TDRD10: variants seen among roughly 807,000 people sequenced by gnomAD.
TDRD10 encodes tudor domain containing 10.
A neutral mutation model predicts 48.0 loss-of-function variants in TDRD10; 40 were observed. That is an observed-to-expected ratio of 0.83 (90% CI 0.65 to 1.09). The LOEUF is 1.09. TDRD10 is among the 50% of genes least tolerant of loss of function. The pLI, the probability that TDRD10 is intolerant of heterozygous loss-of-function variation, is 0.00. For missense variants in TDRD10, 378 were observed against 434.7 expected (o/e 0.87, Z 1.16); for synonymous variants, 162 against 170.4 (o/e 0.95, Z 0.38).
At chr1:154,529,077 TATA>T (rs1694465903) in intron 6 of TDRD10, among the ~76,000 whole-genome samples, 1 of 152,162 alleles carries the variant, frequency 6.6e-6, no homozygotes, top group Admixed American at 6.5e-5. Context: ...TGGAAAGAAT[TATA>T]ATGTTGTTTT....
chr1:154,531,355 G>A (rs955683945), intron 6 of TDRD10, among the ~76,000 whole-genome samples: 10 of 152,118 alleles, frequency 6.6e-5, no homozygotes, highest in South Asian at 2.1e-4. Context: ...GAATGAAGCC[G>A]CGGACCCTTG....
intron 6 of TDRD10, among the ~76,000 whole-genome samples, chr1:154,533,893 A>ATT (rs201435535): frequency 1.2e-4 from 12 of 103,610 alleles, no homozygotes; most frequent in African/African-American, 3.8e-4. Context: ...ATATATATAT[A>ATT]TTTTTTTTTA....
chr1:154,543,513 G>A (rs1695367080), intron 8 of TDRD10, among the ~76,000 whole-genome samples: 1 of 152,178 alleles, frequency 6.6e-6, no homozygotes, highest in South Asian at 2.1e-4. Flanking sequence ...TGAGTTAGTG[G>A]AGCAGCAGGG....
At chr1:154,538,138 TAA>T (rs1316773704) in intron 6 of TDRD10, among the ~76,000 whole-genome samples, 1 of 152,234 alleles carries the variant, frequency 6.6e-6, no homozygotes, top group Non-Finnish European at 1.5e-5. Context: ...ATTTATCACT[TAA>T]ATCATTAGGG....
intron 8 of TDRD10, 60 bp downstream of exon 8, chr1:154,542,881 C>A (rs988748658): frequency 3.2e-5 from 46 of 1,424,506 alleles, no homozygotes; most frequent in Non-Finnish European, 3.9e-5. Flanking sequence ...CCTCTGTCCC[C>A]CAGAGAGTGG....
At chr1:154,510,240 TAAAAA>T (rs34841605) in intron 4 of TDRD10, among the ~76,000 whole-genome samples, 1 of 137,710 alleles carries the variant, frequency 7.3e-6, no homozygotes, top group Non-Finnish European at 1.5e-5. Context: ...CCACATCTCT[TAAAAA>T]AAAAAAAAAA....
intron 6 of TDRD10, among the ~76,000 whole-genome samples, chr1:154,540,622 A>G (rs925922904): frequency 6.6e-6 from 1 of 151,972 alleles, no homozygotes; most frequent in Admixed American, 6.6e-5. Context: ...TGTTGCAGAC[A>G]TGCTAAGTCT....
At chr1:154,544,585 C>T in intron 10 of TDRD10, 68 bp downstream of exon 10, 1 of 1,556,796 alleles carries the variant, frequency 6.4e-7, no homozygotes, top group South Asian at 1.2e-5. Context: ...TTCTTGCATT[C>T]TCTTCCTTTG....
intron 4 of TDRD10, among the ~76,000 whole-genome samples, chr1:154,514,260 G>A (rs187761314): frequency 2.0e-5 from 3 of 152,298 alleles, no homozygotes; most frequent in East Asian, 1.9e-4. Context: ...TCTTGATCCC[G>A]TTTTGGACAA....
At chr1:154,513,259 C>T (rs1693580024) in intron 4 of TDRD10, among the ~76,000 whole-genome samples, 1 of 152,058 alleles carries the variant, frequency 6.6e-6, no homozygotes, top group Non-Finnish European at 1.5e-5. Flanking sequence ...ACACTGGACA[C>T]AACTGAAAAT....
At chr1:154,519,870 G>C (rs543667540) in intron 4 of TDRD10, among the ~76,000 whole-genome samples, 1 of 152,082 alleles carries the variant, frequency 6.6e-6, no homozygotes, top group South Asian at 2.1e-4. Context: ...GTGGGGAAAT[G>C]TTCCGGGAAG....
At chr1:154,532,555 C>T (rs112199360) in intron 6 of TDRD10, among the ~76,000 whole-genome samples, 9 of 152,330 alleles carry the variant, frequency 5.9e-5, no homozygotes, top group South Asian at 2.1e-4. Context: ...GCTCCTCAAG[C>T]GCGGCCAGAA....
intron 6 of TDRD10, among the ~76,000 whole-genome samples, chr1:154,531,457 TC>T (rs1694614310): frequency 6.6e-6 from 1 of 152,200 alleles, no homozygotes; most frequent in African/African-American, 2.4e-5. Context: ...TCTGGTGGGT[TC>T]GTGGTCTCGC....
chr1:154,528,394 T>C (rs558951072), intron 6 of TDRD10, among the ~76,000 whole-genome samples: 29 of 151,912 alleles, frequency 1.9e-4, no homozygotes, highest in African/African-American at 7.0e-4. Context: ...CAGCAAATTT[T>C]TTTGTGTTTT....
chr1:154,507,307 G>T lies in TDRD10; in HGVS notation c.69G>T (p.Glu23Asp), dbSNP rs755804330. 2 of 1,614,094 alleles carry T rather than the reference G, an allele frequency of 1.2e-6. No homozygotes were observed. Among genetic ancestry groups the T allele is most frequent in the Non-Finnish European group, 1.7e-6 (2 of 1,180,010 alleles). ...KLFGKNGVLE[E>D]QKSPGFKKRE... ...TTGGGAAGAATGGAGTGTTGGAGGA[G>T]CAGAAATCTCCAGGTAAGTTAGGCT... Residue 23 changes from glutamate (E) to aspartate (D), a missense_variant, in exon 3 of 13, where the codon GAG becomes GAT. Around this residue, in one of 2 missense-constraint regions of TDRD10, gnomAD observed 310 missense variants for 323.6 expected, o/e 0.96. Transcript: ENST00000368482.
At chr1:154,518,617 G>A (rs1693893514) in intron 4 of TDRD10, among the ~76,000 whole-genome samples, 1 of 152,124 alleles carries the variant, frequency 6.6e-6, no homozygotes, top group Non-Finnish European at 1.5e-5. Flanking sequence ...TTGTAGTAGA[G>A]ACGGGGTTTC....
At chr1:154,510,902 G>T (rs779852335) in intron 4 of TDRD10, among the ~76,000 whole-genome samples, 1 of 148,708 alleles carries the variant, frequency 6.7e-6, no homozygotes, top group African/African-American at 2.5e-5. Context: ...AAAAATTAGC[G>T]GGGCATGGTG....
intron 4 of TDRD10, among the ~76,000 whole-genome samples, chr1:154,514,827 A>G (rs2149319092): frequency 6.6e-6 from 1 of 151,576 alleles, no homozygotes; most frequent in South Asian, 2.1e-4. Flanking sequence ...AGCTGGGACC[A>G]CAGGAACACA....
At chr1:154,536,661 A>G (rs1694935702) in intron 6 of TDRD10, among the ~76,000 whole-genome samples, 1 of 152,216 alleles carries the variant, frequency 6.6e-6, no homozygotes, top group Non-Finnish European at 1.5e-5. Flanking sequence ...CAGTCGCCCA[A>G]AAGATTCCCC....
Sources: gnomAD v4.1 joint callset for allele counts (sites outside exome capture counted in the v4.1 genomes callset) on GRCh38, gnomAD v4.1.1 for gene constraint, gnomAD v4.1.1 regional missense constraint, MANE v1.5 for transcripts, NCBI Gene and HGNC (gene_info 2026-07-23, HGNC 2026-07-21) for gene names.